The following ELL2 variants were observed in gnomAD, a reference collection of about 807,000 sequenced individuals.
The protein encoded by ELL2 is elongation factor for RNA polymerase II 2, also known as RNA polymerase II elongation factor ELL2.
ELL2 carries 21 observed loss-of-function variants against 72.8 expected under a neutral mutation model. The ratio of observed to expected loss-of-function variants is 0.29; its 90% confidence interval spans 0.20 to 0.42. ELL2 has a LOEUF of 0.42. ELL2 is among the 10% of genes least tolerant of loss of function. ELL2 has a pLI of 1.00. For synonymous variants in ELL2, 266 were observed against 283.2 expected (o/e 0.94, Z 0.61); for missense variants, 568 against 772.8 (o/e 0.73, Z 3.14).
In ELL2 at chr5:95,913,772, T is replaced by A. The variant is rs762366919; in HGVS notation, c.480A>T (p.Val160=). Residue 160 remains valine (V), a splice_region_variant and synonymous_variant, in exon 4 of 12, where the codon GTA becomes GTT. Transcript: ENST00000237853. The stretch of plus-strand genomic sequence containing the variant: ...AGGAAGAAAGATATCTATACAAACC[T>A]ACATATGGTCCACCGGGTTTGATAA... ...TKVIKPGGPY[V]GKRVQIRKAP... 1 of 1,604,484 alleles carries A rather than the reference T, an allele frequency of 6.2e-7. No homozygotes were observed. Among genetic ancestry groups the A allele is most frequent in the Admixed American group, 1.7e-5 (1 of 58,444 alleles).
rs192257997 is a variant in ELL2, at chr5:95,893,618, C to T, written c.1589+2010G>A. Among the ~76,000 whole-genome samples, 641 of 152,248 alleles carry T rather than the reference C, an allele frequency of 4.2e-3. 7 individuals carry two copies. Among genetic ancestry groups the T allele is most frequent in the African/African-American group, 0.015 (617 of 41,542 alleles). ...GCCAGGATGGTCTCGATCTCCTGAC[C>T]TCGTGATCCGCCCACCTCGGCCTCC... On this transcript the variant is annotated intron_variant, in intron 9 of 11. Coordinates refer to ENST00000237853, the MANE Select transcript of ELL2 (RefSeq NM_012081.6).
intron 2 of ELL2, 73 bp downstream of exon 2, chr5:95,942,929 G>A: frequency 8.1e-7 from 1 of 1,228,084 alleles, no homozygotes; most frequent in Non-Finnish European, 1.1e-6. Flanking sequence ...AGGGTCAACT[G>A]AAAACGGATT....
intron 1 of ELL2, among the ~76,000 whole-genome samples, chr5:95,949,267 G>GT (rs779569812): frequency 1.3e-5 from 2 of 152,044 alleles, no homozygotes; most frequent in Non-Finnish European, 2.9e-5. Context: ...GAGCACAGCT[G>GT]TTTTTTTGGA....
chr5:95,929,611 A>G (rs971353125), intron 2 of ELL2, among the ~76,000 whole-genome samples: 1 of 152,110 alleles, frequency 6.6e-6, no homozygotes, highest in African/African-American at 2.4e-5. Context: ...TACCTAATAA[A>G]TATTTGTTAG....
intron 3 of ELL2, among the ~76,000 whole-genome samples, chr5:95,917,527 A>C (rs1749860358): frequency 6.6e-6 from 1 of 152,236 alleles, no homozygotes; most frequent in African/African-American, 2.4e-5. Flanking sequence ...GAAAAGGTGA[A>C]GCCAGATTAT....
At chr5:95,938,221 C>G (rs1181041421) in intron 2 of ELL2, among the ~76,000 whole-genome samples, 1 of 152,116 alleles carries the variant, frequency 6.6e-6, no homozygotes, top group East Asian at 1.9e-4. Flanking sequence ...GTATTCAAGC[C>G]TTTAAAGTTA....
chr5:95,891,253 G>A lies in ELL2; in HGVS notation c.1611C>T (p.Ser537=). ...DYLIKYIAIV[S]YEQRQNYKDD... is the part of the protein sequence containing the mutation. Reference sequence around the variant, plus strand: ...CCTTATAATTCTGGCGTTGCTCATAGGAGACGATAGCGATATATTTTCTAA... The same window carrying A: ...CCTTATAATTCTGGCGTTGCTCATAAGAGACGATAGCGATATATTTTCTAA... The change falls in exon 10 of 12, where the codon TCC becomes TCT. Residue 537 remains serine (S), a synonymous_variant. Coordinates refer to ENST00000237853, the MANE Select transcript of ELL2 (RefSeq NM_012081.6). The A allele has an allele frequency of 6.2e-7, 1 of 1,610,804 alleles. No individual in the cohort carries two copies. The highest frequency in any genetic ancestry group is 8.5e-7 in the Non-Finnish European group (1 of 1,178,846).
At position 95,885,853 on chromosome 5, in the gene ELL2, G is replaced by A. The variant is rs1748443637; in HGVS notation, c.*3018C>T. The A allele has an allele frequency of 6.6e-6, 1 of 152,164 alleles. No individual in the cohort carries two copies. The highest frequency in any genetic ancestry group is 1.5e-5 in the Non-Finnish European group (1 of 68,018). The allele number at this position is 152,164 out of a possible 1,614,324, so 9.4% of individuals were successfully genotyped here. ...TAAAACTATCCATTACTACCTTAAAGAGTTGAAAGTTAAGCCCTCTAAAGT... is the reference window on the plus strand; with the variant it reads ...TAAAACTATCCATTACTACCTTAAAAAGTTGAAAGTTAAGCCCTCTAAAGT... On this transcript the variant is annotated 3_prime_UTR_variant, in exon 12 of 12. Coordinates refer to ENST00000237853, the MANE Select transcript of ELL2 (RefSeq NM_012081.6).
intron 9 of ELL2, among the ~76,000 whole-genome samples, chr5:95,895,211 A>G (rs1029365945): frequency 2.0e-5 from 3 of 152,270 alleles, no homozygotes; most frequent in African/African-American, 4.8e-5. Flanking sequence ...AAATCAATCT[A>G]TCTTTACACT....
At position 95,919,517 on chromosome 5, in the gene ELL2, AG is replaced by A; in HGVS notation, c.223del (p.Leu75SerfsTer59). On this transcript the variant is annotated frameshift_variant, in exon 3 of 12. Transcript: ENST00000237853. LOFTEE classifies it high-confidence loss of function. ...AAAGTTAAAGTTATGAACTTCATTG[AG>A]GGGATCATTTTTGGGAATTTTGACA... ...GLVKIPKNDPLNEVHNFNFYL... is the reference protein window; with the variant it reads ...GLVKIPKNDPXNEVHNFNFYL... 6.4e-7 allele frequency: 1 copy of A among 1,571,700 alleles called. No individual in the cohort carries two copies. The highest frequency in any genetic ancestry group is 8.6e-7 in the Non-Finnish European group (1 of 1,165,466).
At chr5:95,901,163 C>A (rs1271879077) in intron 5 of ELL2, 83 bp from the exon 6 acceptor site, 1 of 1,426,234 alleles carries the variant, frequency 7.0e-7, no homozygotes, top group East Asian at 2.4e-5. Flanking sequence ...AGGATTTACA[C>A]TGAAAATAAT....
intron 2 of ELL2, among the ~76,000 whole-genome samples, chr5:95,938,388 AT>A (rs1319028382): frequency 1.3e-5 from 2 of 152,130 alleles, no homozygotes; most frequent in Non-Finnish European, 2.9e-5. Context: ...TATAGAAAAT[AT>A]TTTCTATTTT....
In ELL2 at chr5:95,891,603, A is replaced by G. The variant is rs76957728; in HGVS notation, c.1590-329T>C. The stretch of plus-strand genomic sequence containing the variant: ...TCTATCCAAGATAATTCACTACCAC[A>G]CTAATGGTGGATGCTAACCCATCTG... On this transcript the variant is annotated intron_variant, in intron 9 of 11. Transcript: ENST00000237853. 7.2e-3 allele frequency among the ~76,000 whole-genome samples: 1,102 copies of G among 152,360 alleles called. 11 individuals are homozygous for G. Among genetic ancestry groups the G allele is most frequent in the Non-Finnish European group, 0.011 (762 of 68,026 alleles).
intron 3 of ELL2, among the ~76,000 whole-genome samples, chr5:95,914,954 T>C (rs950023445): frequency 2.6e-5 from 4 of 152,170 alleles, no homozygotes; most frequent in African/African-American, 9.7e-5. Flanking sequence ...AGGGGGATCA[T>C]GGTCACAGTC....
At chr5:95,919,382 TAAA>T (rs1749959352) in intron 3 of ELL2, 39 bp downstream of exon 3, 1 of 1,559,568 alleles carries the variant, frequency 6.4e-7, no homozygotes, top group Non-Finnish European at 8.6e-7. Flanking sequence ...CCCTCTTAAA[TAAA>T]AAATTTTTCC....
At chr5:95,953,798 C>T (rs6877821) in intron 1 of ELL2, among the ~76,000 whole-genome samples, 50,501 of 152,076 alleles carry the variant, frequency 0.33, 10,114 homozygotes, top group African/African-American at 0.57. Flanking sequence ...TTAGGAATTA[C>T]ACTATTTCAA....
At chr5:95,948,386 CG>C (rs1751251117) in intron 1 of ELL2, among the ~76,000 whole-genome samples, 1 of 139,676 alleles carries the variant, frequency 7.2e-6, no homozygotes, top group Non-Finnish European at 1.5e-5. Context: ...GCCGAGATGG[CG>C]CCACAGCACT....
chr5:95,907,296 A>ATATATATATATTTTTTTTTTTTTT, intron 4 of ELL2, among the ~76,000 whole-genome samples: 1 of 116,522 alleles, frequency 8.6e-6, no homozygotes, highest in African/African-American at 4.1e-5. Flanking sequence ...ATATATATAT[A>ATATATATATATTTTTTTTTTTTTT]TTTTTTTTTT....
At chr5:95,951,937 G>C (rs546086618) in intron 1 of ELL2, among the ~76,000 whole-genome samples, 2 of 152,282 alleles carry the variant, frequency 1.3e-5, no homozygotes, top group Non-Finnish European at 2.9e-5. Flanking sequence ...TCAATTTCTA[G>C]GCAATTTGAT....
Sources: gnomAD v4.1 joint callset for allele counts (sites outside exome capture counted in the v4.1 genomes callset) on GRCh38, gnomAD v4.1.1 for gene constraint, MANE v1.5 for transcripts, NCBI Gene and HGNC (gene_info 2026-07-23, HGNC 2026-07-21) for gene names.